The following SIK3 variants were observed in gnomAD, a reference collection of about 807,000 sequenced individuals.
The protein encoded by SIK3 is SIK family kinase 3, also known as serine/threonine-protein kinase SIK3.
SIK3 carries 28 observed loss-of-function variants against 144.2 expected under a neutral mutation model. The observed-to-expected ratio is 0.19, with a 90% CI of 0.14 to 0.27. SIK3 has a LOEUF of 0.27. Ranked by LOEUF, SIK3 falls within the 10% of genes least tolerant of loss-of-function variation. The probability of loss-of-function intolerance (pLI) is 1.00; values close to 1 mark genes in which losing one functional copy is unlikely to be tolerated. For missense variants in SIK3, 1,319 were observed against 1,776.0 expected, an observed-to-expected ratio of 0.74 and a Z score of 4.62; for synonymous variants, 686 against 676.3, an observed-to-expected ratio of 1.01 and a Z score of -0.22.
intron 1 of SIK3, among the ~76,000 whole-genome samples, chr11:116,977,269 C>CA (rs1949980557): frequency 2.5e-5 from 3 of 120,344 alleles, no homozygotes; most frequent in Non-Finnish European, 1.6e-5. Flanking sequence ...TTCATACAGA[C>CA]AGAGTCTCGT....
At chr11:116,938,995 GATACATAAGGAAAAGAA>G (rs1449426112) in intron 3 of SIK3, among the ~76,000 whole-genome samples, 1 of 152,104 alleles carries the variant, frequency 6.6e-6, no homozygotes, top group African/African-American at 2.4e-5. Context: ...TCTAAAAACT[GATACATAAGGAAAAGAA>G]AGAATCAAGC....
intron 1 of SIK3, among the ~76,000 whole-genome samples, chr11:117,056,660 T>C (rs1444027300): frequency 6.6e-6 from 1 of 151,994 alleles, no homozygotes; most frequent in Non-Finnish European, 1.5e-5. Context: ...ACACAGAGCT[T>C]CTATCTCACC....
At chr11:117,001,547 AG>A (rs1248452864) in intron 1 of SIK3, among the ~76,000 whole-genome samples, 2 of 151,872 alleles carry the variant, frequency 1.3e-5, no homozygotes, top group Non-Finnish European at 2.9e-5. Flanking sequence ...AGCTGGGCAC[AG>A]TGGCTCACGT....
chr11:116,933,489 A>G (rs1947737638), intron 3 of SIK3, among the ~76,000 whole-genome samples: 1 of 152,250 alleles, frequency 6.6e-6, no homozygotes, highest in Non-Finnish European at 1.5e-5. Context: ...TAGATGTACA[A>G]GAGTTTCCTT....
intron 1 of SIK3, among the ~76,000 whole-genome samples, chr11:117,053,126 C>CAGG (rs1953339839): frequency 6.6e-6 from 1 of 152,102 alleles, no homozygotes; most frequent in Non-Finnish European, 1.5e-5. Flanking sequence ...ATCACAAGGT[C>CAGG]AGGAGTTCAA....
At chr11:116,984,344 T>C (rs991757287) in intron 1 of SIK3, among the ~76,000 whole-genome samples, 5 of 152,182 alleles carry the variant, frequency 3.3e-5, no homozygotes, top group Non-Finnish European at 5.9e-5. Context: ...TTGAGCAATA[T>C]GACCTTTTAG....
chr11:116,937,764 T>C (rs1178791261), intron 3 of SIK3, among the ~76,000 whole-genome samples: 1 of 152,224 alleles, frequency 6.6e-6, no homozygotes, highest in Non-Finnish European at 1.5e-5. Flanking sequence ...AATTGGAGTG[T>C]TAGTATAAAC....
chr11:116,875,069 G>A (rs1053151058), intron 11 of SIK3, 89 bp downstream of exon 11: 1 of 969,566 alleles, frequency 1.0e-6, no homozygotes, highest in Non-Finnish European at 1.6e-6. Flanking sequence ...GGGATACAAT[G>A]TAGTAGGAAA....
intron 1 of SIK3, among the ~76,000 whole-genome samples, chr11:117,066,849 T>C (rs1954047194): frequency 6.6e-6 from 1 of 152,202 alleles, no homozygotes. Flanking sequence ...GCCCATTTCT[T>C]TTAATGAGCA....
chr11:116,995,214 C>T (rs1950622666), intron 1 of SIK3, among the ~76,000 whole-genome samples: 1 of 146,214 alleles, frequency 6.8e-6, no homozygotes, highest in South Asian at 2.4e-4. Flanking sequence ...TTGCAGTGAG[C>T]CAAGATCGCA....
intron 1 of SIK3, among the ~76,000 whole-genome samples, chr11:117,089,236 T>C (rs950170626): frequency 6.6e-6 from 1 of 151,602 alleles, no homozygotes; most frequent in African/African-American, 2.4e-5. Flanking sequence ...TGAAACGCCG[T>C]CTCTACTAAA....
chr11:117,079,733 C>T (rs1470826752), intron 1 of SIK3, among the ~76,000 whole-genome samples: 3 of 148,544 alleles, frequency 2.0e-5, no homozygotes, highest in Non-Finnish European at 3.0e-5. Flanking sequence ...AAAAGCAAGC[C>T]ATAAAGAGAA....
At chr11:116,873,660 A>G (rs1944085239) in intron 12 of SIK3, 24 bp from the exon 13 acceptor site, 5 of 1,528,218 alleles carry the variant, frequency 3.3e-6, no homozygotes, top group Non-Finnish European at 4.4e-6. Context: ...AGTGGGGAGG[A>G]CGGACCATGA....
At chr11:117,090,786 A>G (rs945779080) in intron 1 of SIK3, among the ~76,000 whole-genome samples, 1 of 152,216 alleles carries the variant, frequency 6.6e-6, no homozygotes, top group Non-Finnish European at 1.5e-5. Context: ...AGGGTACTAA[A>G]AGTTAGTGGC....
At chr11:116,912,210 C>CTTA (rs1183220327) in intron 4 of SIK3, among the ~76,000 whole-genome samples, 1 of 152,162 alleles carries the variant, frequency 6.6e-6, no homozygotes, top group East Asian at 1.9e-4. Context: ...TCTAGGAAGG[C>CTTA]TTAAATACCA....
chr11:116,898,861 C>T (rs1417710109), intron 4 of SIK3, among the ~76,000 whole-genome samples: 1 of 150,680 alleles, frequency 6.6e-6, no homozygotes, highest in Non-Finnish European at 1.5e-5. Context: ...ATTGTAGATT[C>T]TGGATATTAG....
intron 1 of SIK3, among the ~76,000 whole-genome samples, chr11:117,009,594 A>G (rs923646752): frequency 2.6e-5 from 4 of 152,258 alleles, no homozygotes; most frequent in Non-Finnish European, 5.9e-5. Flanking sequence ...ACTCTGACGC[A>G]AAAGTCAAGA....
intron 1 of SIK3, among the ~76,000 whole-genome samples, chr11:116,957,533 C>G (rs747711930): frequency 6.6e-6 from 1 of 152,136 alleles, no homozygotes; most frequent in African/African-American, 2.4e-5. Flanking sequence ...ACACATCTCA[C>G]CAGATGCTTG....
chr11:116,981,334 C>T (rs1950133833), intron 1 of SIK3, among the ~76,000 whole-genome samples: 2 of 152,182 alleles, frequency 1.3e-5, no homozygotes, highest in African/African-American at 2.4e-5. Context: ...GGCCTGAGAC[C>T]TCAGTTCCTT....
Sources: gnomAD v4.1 joint callset for allele counts (sites outside exome capture counted in the v4.1 genomes callset) on GRCh38, gnomAD v4.1.1 for gene constraint, MANE v1.5 for transcripts, NCBI Gene and HGNC (gene_info 2026-07-23, HGNC 2026-07-21) for gene names.